Variants in ACSBG2 observed in about 807,000 individuals in gnomAD.
ACSBG2 encodes acyl-CoA synthetase bubblegum family member 2, also known as long-chain-fatty-acid--CoA ligase ACSBG2.
In ACSBG2, 62 loss-of-function variants were observed where a neutral mutation model predicts 74.7. The observed-to-expected ratio is 0.83, with a 90% CI of 0.68 to 1.03. The LOEUF (loss-of-function observed/expected upper bound fraction) is 1.03, where lower values mean the gene tolerates loss of function less well. Among genes scored for constraint, ACSBG2 ranks in the 50% least tolerant of loss-of-function variants. ACSBG2 has a pLI of 0.00. For missense variants in ACSBG2, 730 were observed against 817.6 expected, an observed-to-expected ratio of 0.89 and a Z score of 1.31; for synonymous variants, 309 against 294.1, an observed-to-expected ratio of 1.05 and a Z score of -0.52.
intron 7 of ACSBG2, chr19:6,175,897 G>A (rs564719868): frequency 1.9e-4 from 29 of 153,954 alleles, no homozygotes; most frequent in Non-Finnish European, 3.0e-4. Flanking sequence ...AGAAGCCTCT[G>A]TCCCCACTTT....
chr19:6,184,830 A>G (rs977225053), intron 10 of ACSBG2, among the ~76,000 whole-genome samples: 15 of 89,680 alleles, frequency 1.7e-4, no homozygotes, highest in African/African-American at 7.9e-4. Flanking sequence ...ATATGTGGAG[A>G]TGAAAAAAAA....
intron 10 of ACSBG2, 109 bp from the exon 11 acceptor site, chr19:6,185,327 C>A: frequency 9.4e-7 from 1 of 1,065,666 alleles, no homozygotes; most frequent in South Asian, 1.4e-5. Context: ...GCATATCCAG[C>A]CTGCTCTAGC....
At chr19:6,187,572 G>A in intron 12 of ACSBG2, 27 bp from the exon 13 acceptor site, 1 of 1,613,618 alleles carries the variant, frequency 6.2e-7, no homozygotes, top group Non-Finnish European at 8.5e-7. Context: ...AAGGAGCATG[G>A]GTGGTGACAG....
Position 6,183,146 on chromosome 19 carries a change from C to T in ACSBG2, c.1196C>T (p.Ala399Val), listed in dbSNP as rs139677949. Residue 399 changes from alanine to valine, a missense_variant, in exon 10 of 15, where the codon GCG (alanine) becomes GTG (valine). Transcript: ENST00000588485. ...DHCHSFISGTAPLNQETAEFF... is the reference protein window; with the variant it reads ...DHCHSFISGTVPLNQETAEFF... ...TGTCACTCTTTTATCAGTGGGACTGCGCCCCTCAACCAAGAGACTGCCGAG... is the reference window on the plus strand; with the variant it reads ...TGTCACTCTTTTATCAGTGGGACTGTGCCCCTCAACCAAGAGACTGCCGAG... 9.7e-5 allele frequency: 156 copies of T among 1,614,104 alleles called. 1 individual carries two copies. The highest frequency in any genetic ancestry group is 7.1e-4 in the African/African-American group (53 of 74,944).
At chr19:6,176,515 C>G in intron 7 of ACSBG2, 1 of 658,292 alleles carries the variant, frequency 1.5e-6, no homozygotes. Flanking sequence ...CACACACGCA[C>G]TCAGCCAGAC....
Position 6,161,401 on chromosome 19 carries a change from C to G in ACSBG2, c.588+106C>G. ...AGCAGAGGGAGGAGGTCGGACCTGG[C>G]AAGGGTGGGAACTCTCAAAGGAAGT... is the stretch of plus-strand genomic sequence containing the variant. On this transcript the variant is annotated intron_variant, in intron 6 of 14. Transcript: ENST00000588485. The G allele has an allele frequency of 2.9e-6, 3 of 1,051,468 alleles. No individual in the cohort carries two copies. The Admixed American group carries it at 6.2e-5, about 22-fold the overall frequency. The allele number at this position is 1,051,468 out of a possible 1,614,324, so 65.1% of individuals were successfully genotyped here.
chr19:6,152,287 T>TG (rs199966634), intron 4 of ACSBG2, among the ~76,000 whole-genome samples: 7,281 of 66,190 alleles, frequency 0.11, 1,048 homozygotes, highest in African/African-American at 0.3. Context: ...TAATTTTTTT[T>TG]TTTTTTTTTT....
rs371866289 is a variant in ACSBG2, at chr19:6,184,832, G to GAAA, written c.1323-566_1323-564dup. Among the ~76,000 whole-genome samples the GAAA allele has an allele frequency of 5.9e-4, 8 of 13,510 alleles. 2 individuals carry two copies. The highest frequency in any genetic ancestry group is 1.9e-3 in the Non-Finnish European group (7 of 3,614). 8.9% of individuals were successfully genotyped at this position (13,510 alleles called of 152,430 possible). On this transcript the variant is annotated intron_variant, in intron 10 of 14. Transcript: ENST00000588485. ...TTTCTTTGCCGGCATATGTGGAGAT[G>GAAA]AAAAAAAAAAAAAAAAAAAAAAAAA...
intron 3 of ACSBG2, among the ~76,000 whole-genome samples, chr19:6,149,709 T>C (rs12979145): frequency 2.0e-5 from 3 of 152,044 alleles, no homozygotes; most frequent in Non-Finnish European, 4.4e-5. Flanking sequence ...GGTTTCATCT[T>C]GTGGGCCAGG....
rs1555696879 is a variant in ACSBG2 at position 6,181,816 on chromosome 19, C to CCCA, written c.907-933_907-932insACC. On this transcript the variant is annotated intron_variant, in intron 8 of 14. Transcript: ENST00000588485. ...TGCATTTGAATAGTCCCCACCCGCCCCCCCCCCCAACGAAATTTCCTTGGC... is the reference window on the plus strand; with the variant it reads ...TGCATTTGAATAGTCCCCACCCGCCCCCACCCCCCCCAACGAAATTTCCTTGGC... Among the ~76,000 whole-genome samples the CCCA allele has an allele frequency of 1.9e-5, 2 of 107,398 alleles. 1 individual carries two copies. The highest frequency in any genetic ancestry group is 6.5e-4 in the East Asian group (2 of 3,056). The allele number at this position is 107,398 out of a possible 152,430, so 70.5% of individuals were successfully genotyped here.
chr19:6,185,654 G>A lies in ACSBG2; in HGVS notation c.1540+1G>A, dbSNP rs1280381159. 2 of 1,614,038 alleles carry A rather than the reference G, an allele frequency of 1.2e-6. No homozygotes were observed. The highest frequency in any genetic ancestry group is 1.1e-5 in the South Asian group (1 of 91,062). ...CTCTATGTCACCGGCCACATCAAAG[G>A]TACCAGGGGCTGAGCTCTTTGGGAA... On this transcript the variant is annotated splice_donor_variant, in intron 11 of 14. Transcript: ENST00000588485. LOFTEE classifies it high-confidence loss of function.
intron 11 of ACSBG2, 140 bp downstream of exon 11, chr19:6,185,793 C>A: frequency 1.2e-6 from 1 of 808,718 alleles, no homozygotes; most frequent in Admixed American, 2.6e-5. Flanking sequence ...TCAGTCTGTA[C>A]AACCCAGCTC....
intron 5 of ACSBG2, among the ~76,000 whole-genome samples, chr19:6,160,070 G>A (rs958235016): frequency 6.6e-6 from 1 of 152,074 alleles, no homozygotes; most frequent in African/African-American, 2.4e-5. Flanking sequence ...ACCCCATCCC[G>A]CTTTCTTTGG....
rs889387935 is a variant in ACSBG2, at chr19:6,161,451, A to G, written c.588+156A>G. The G allele has an allele frequency of 1.3e-4, 77 of 608,002 alleles. No homozygotes were observed. In the Admixed American group the frequency reaches 2.1e-3, roughly 17 times the overall value. 37.7% of individuals were successfully genotyped at this position (608,002 alleles called of 1,614,324 possible). On this transcript the variant is annotated intron_variant, in intron 6 of 14. Coordinates refer to ENST00000588485, the MANE Select transcript of ACSBG2 (RefSeq NM_030924.5). ...TAGGTGGGGACTCTCAAAGGAAGTGAAAGGTGAGGAAAGGAAGTGGGTGGG... is the reference window on the plus strand; with the variant it reads ...TAGGTGGGGACTCTCAAAGGAAGTGGAAGGTGAGGAAAGGAAGTGGGTGGG...
At chr19:6,137,791 G>A (rs79238723) in intron 1 of ACSBG2, among the ~76,000 whole-genome samples, 3,395 of 152,008 alleles carry the variant, frequency 0.022, 132 homozygotes, top group African/African-American at 0.078. Flanking sequence ...GGGATTACAG[G>A]TGCCTGCCGC....
In ACSBG2 at chr19:6,177,251, T is replaced by C. The variant is rs773723670; in HGVS notation, c.761T>C (p.Val254Ala). The change falls in exon 8 of 15, where the codon GTG (valine) becomes GCG (alanine). Residue 254 changes from valine (V) to alanine (A), a missense_variant. Coordinates refer to ENST00000588485, the MANE Select transcript of ACSBG2 (RefSeq NM_030924.5). The stretch of plus-strand genomic sequence containing the variant: ...CAGATCACGTGGATTGCAGGAGCAG[T>C]GACAAAGGACTTTAAACTGACAGAC... ...HDNITWIAGA[V>A]TKDFKLTDKH... The C allele has an allele frequency of 5.6e-6, 9 of 1,613,960 alleles. No individual in the cohort carries two copies. In the East Asian group the frequency reaches 2.0e-4, roughly 36 times the overall value.
At position 6,187,682 on chromosome 19, in the gene ACSBG2, G is replaced by C. The variant is rs747263897; in HGVS notation, c.1764G>C (p.Gln588His). ...ACTTCTGTCGGGGTCTGGGCAGCCA[G>C]GCATCCACCGTGACTGAGATTGTGA... Reference protein sequence around the residue: ...AINFCRGLGSQASTVTEIVKQ... With the variant: ...AINFCRGLGSHASTVTEIVKQ... The change falls in exon 13 of 15, where the codon CAG becomes CAC. Residue 588 changes from glutamine to histidine, a missense_variant. Coordinates refer to ENST00000588485, the MANE Select transcript of ACSBG2 (RefSeq NM_030924.5). The C allele has an allele frequency of 6.2e-7, 1 of 1,614,194 alleles. No individual in the cohort carries two copies. The highest frequency in any genetic ancestry group is 1.1e-5 in the South Asian group (1 of 91,082).
intron 1 of ACSBG2, among the ~76,000 whole-genome samples, chr19:6,141,091 C>T (rs2088811480): frequency 1.3e-5 from 2 of 152,060 alleles, no homozygotes; most frequent in African/African-American, 2.4e-5. Flanking sequence ...GTATTCTTGG[C>T]CATGTGGAAA....
intron 4 of ACSBG2, among the ~76,000 whole-genome samples, chr19:6,152,279 A>ATTTT (rs71172791): frequency 7.3e-5 from 5 of 68,468 alleles, no homozygotes; most frequent in African/African-American, 1.3e-4. Context: ...CACCCAGCTA[A>ATTTT]TTTTTTTTTT....
Sources: allele counts gnomAD v4.1 joint callset (sites outside exome capture counted in the v4.1 genomes callset), GRCh38; gene constraint gnomAD v4.1.1; transcripts MANE v1.5; gene names NCBI Gene and HGNC (gene_info 2026-07-23, HGNC 2026-07-21).